PPP3CA: variants seen among roughly 807,000 people sequenced by gnomAD.
PPP3CA encodes protein phosphatase 3 catalytic subunit alpha, also known as CAM-PRP catalytic subunit.
PPP3CA carries 14 observed loss-of-function variants against 66.5 expected under a neutral mutation model. The ratio of observed to expected loss-of-function variants is 0.21; its 90% confidence interval spans 0.14 to 0.33. The LOEUF is 0.33. Ranked by LOEUF, PPP3CA falls within the 10% of genes least tolerant of loss-of-function variation. The pLI is 1.00. For synonymous variants in PPP3CA, 232 were observed against 226.2 expected, an observed-to-expected ratio of 1.03 and a Z score of -0.23; for missense variants, 317 against 639.5, an observed-to-expected ratio of 0.50 and a Z score of 5.44.
intron 10 of PPP3CA, among the ~76,000 whole-genome samples, chr4:101,053,095 T>C (rs1326771860): frequency 6.6e-6 from 1 of 152,098 alleles, no homozygotes; most frequent in Non-Finnish European, 1.5e-5. Context: ...GTAAAATATA[T>C]TATGTCAATA....
chr4:101,178,819 A>G (rs1463908016), intron 2 of PPP3CA, among the ~76,000 whole-genome samples: 1 of 152,082 alleles, frequency 6.6e-6, no homozygotes, highest in Non-Finnish European at 1.5e-5. Flanking sequence ...CACAGCCCTC[A>G]TATTAATGGA....
chr4:101,168,422 A>G lies in PPP3CA; in HGVS notation c.259+27494T>C, dbSNP rs183456897. On this transcript the variant is annotated intron_variant, in intron 2 of 13. Transcript: ENST00000394854. ...ACTGGACAGAGGAAAGGACCGGGCT[A>G]AAGATGAGAATATTTAGGAATCATC... is the stretch of plus-strand genomic sequence containing the variant. Among the ~76,000 whole-genome samples the G allele has an allele frequency of 7.1e-4, 108 of 152,310 alleles. 1 individual carries two copies. Among genetic ancestry groups the G allele is most frequent in the African/African-American group, 2.4e-3 (101 of 41,570 alleles).
chr4:101,346,803 C>T lies in PPP3CA; in HGVS notation c.-7G>A. The T allele has an allele frequency of 6.2e-7, 1 of 1,610,164 alleles. No homozygotes were observed. The highest frequency in any genetic ancestry group is 1.7e-5 in the Admixed American group (1 of 59,722). On this transcript the variant is annotated 5_prime_UTR_variant, in exon 1 of 14. Coordinates refer to ENST00000394854, the MANE Select transcript of PPP3CA (RefSeq NM_000944.5). The stretch of plus-strand genomic sequence containing the variant: ...TTGCCTTGGGCTCGGACATCTCCAG[C>T]TGCCGGAGGACAGCGACGCGCTGCT...
chr4:101,311,238 G>T (rs1458276289), intron 1 of PPP3CA, among the ~76,000 whole-genome samples: 1 of 152,106 alleles, frequency 6.6e-6, no homozygotes, highest in Non-Finnish European at 1.5e-5. Flanking sequence ...TGTTTTAGGA[G>T]GAAGAGAATT....
At chr4:101,306,504 A>C (rs1728539147) in intron 1 of PPP3CA, among the ~76,000 whole-genome samples, 1 of 152,150 alleles carries the variant, frequency 6.6e-6, no homozygotes, top group Non-Finnish European at 1.5e-5. Context: ...TTCCACTAAG[A>C]AACCACCAGT....
intron 2 of PPP3CA, among the ~76,000 whole-genome samples, chr4:101,126,307 A>G (rs1328042039): frequency 6.6e-6 from 1 of 152,210 alleles, no homozygotes; most frequent in Non-Finnish European, 1.5e-5. Flanking sequence ...AGGCATGGAA[A>G]ACTGGAAATG....
intron 11 of PPP3CA, among the ~76,000 whole-genome samples, chr4:101,032,788 AAAC>A (rs1727041981): frequency 6.6e-6 from 1 of 152,232 alleles, no homozygotes; most frequent in Non-Finnish European, 1.5e-5. Context: ...CGGAATAAAA[AAAC>A]AGAGCATATG....
chr4:101,038,801 G>A (rs1459652283), intron 11 of PPP3CA, among the ~76,000 whole-genome samples: 1 of 152,030 alleles, frequency 6.6e-6, no homozygotes, highest in African/African-American at 2.4e-5. Context: ...CTTTTTTCTG[G>A]ATAGGATCTC....
At chr4:101,092,638 C>T (rs2110248686) in intron 6 of PPP3CA, among the ~76,000 whole-genome samples, 1 of 152,034 alleles carries the variant, frequency 6.6e-6, no homozygotes, top group East Asian at 1.9e-4. Context: ...TTCCCTGTGC[C>T]CATATGTTCT....
At chr4:101,278,420 A>G (rs1028287884) in intron 1 of PPP3CA, among the ~76,000 whole-genome samples, 2 of 151,652 alleles carry the variant, frequency 1.3e-5, no homozygotes, top group Non-Finnish European at 2.9e-5. Flanking sequence ...CCTCCTCATC[A>G]CTCCCTCTAC....
At chr4:101,241,104 C>A (rs1263199339) in intron 1 of PPP3CA, among the ~76,000 whole-genome samples, 2 of 151,928 alleles carry the variant, frequency 1.3e-5, no homozygotes, top group Non-Finnish European at 2.9e-5. Context: ...TGGACTCAAG[C>A]AATCCTCCTG....
At chr4:101,285,756 T>C (rs192634059) in intron 1 of PPP3CA, among the ~76,000 whole-genome samples, 33 of 152,150 alleles carry the variant, frequency 2.2e-4, no homozygotes, top group Non-Finnish European at 3.8e-4. Flanking sequence ...GTTCTTGAAC[T>C]TATCAATGCA....
chr4:101,296,517 A>C (rs908372500), intron 1 of PPP3CA, among the ~76,000 whole-genome samples: 2 of 152,168 alleles, frequency 1.3e-5, no homozygotes, highest in Non-Finnish European at 2.9e-5. Context: ...AAACCAGTTC[A>C]TCTTTTTTGC....
At chr4:101,286,051 A>G (rs1727837255) in intron 1 of PPP3CA, among the ~76,000 whole-genome samples, 1 of 152,198 alleles carries the variant, frequency 6.6e-6, no homozygotes, top group South Asian at 2.1e-4. Context: ...TGGTTTCAGG[A>G]TGAAACTGTT....
At chr4:101,058,816 C>A (rs1728335798) in intron 10 of PPP3CA, among the ~76,000 whole-genome samples, 1 of 152,064 alleles carries the variant, frequency 6.6e-6, no homozygotes, top group African/African-American at 2.4e-5. Context: ...GTGAAATGTG[C>A]AGTCATTTTG....
At chr4:101,071,195 C>T (rs1346623929) in intron 8 of PPP3CA, among the ~76,000 whole-genome samples, 1 of 152,146 alleles carries the variant, frequency 6.6e-6, no homozygotes, top group African/African-American at 2.4e-5. Context: ...CTGGTGTTAT[C>T]ACTACACATT....
intron 2 of PPP3CA, among the ~76,000 whole-genome samples, chr4:101,138,196 T>C (rs529104257): frequency 1.3e-5 from 2 of 152,218 alleles, no homozygotes; most frequent in Non-Finnish European, 2.9e-5. Flanking sequence ...TCTGCAGCCT[T>C]GTCTCATCAA....
At chr4:101,151,652 CTTTTTTTTTT>C (rs369745312) in intron 2 of PPP3CA, among the ~76,000 whole-genome samples, 1 of 84,812 alleles carries the variant, frequency 1.2e-5, no homozygotes, top group Non-Finnish European at 2.1e-5. Flanking sequence ...CCAAGGTTTC[CTTTTTTTTTT>C]TTTTTTTTTT....
At chr4:101,095,946 G>T (rs1730178037) in intron 5 of PPP3CA, among the ~76,000 whole-genome samples, 1 of 152,042 alleles carries the variant, frequency 6.6e-6, no homozygotes, top group African/African-American at 2.4e-5. Flanking sequence ...CACCATGCTT[G>T]GCCCAGAAAG....
Sources: allele counts gnomAD v4.1 joint callset (sites outside exome capture counted in the v4.1 genomes callset), GRCh38; gene constraint gnomAD v4.1.1; transcripts MANE v1.5; gene names NCBI Gene and HGNC (gene_info 2026-07-23, HGNC 2026-07-21).